The following FAM171A1 variants were observed in gnomAD, a reference collection of about 807,000 sequenced individuals.
FAM171A1 encodes the protein protein FAM171A1.
In FAM171A1, 23 loss-of-function variants were observed where a neutral mutation model predicts 74.9. That is an observed-to-expected ratio of 0.31 (90% CI 0.22 to 0.44). The LOEUF is 0.44. Ranked by LOEUF, FAM171A1 falls within the 20% of genes least tolerant of loss-of-function variation. The probability of loss-of-function intolerance (pLI) is 1.00; values close to 1 mark genes in which losing one functional copy is unlikely to be tolerated. For missense variants in FAM171A1, 1,162 were observed against 1,159.2 expected (o/e 1.00, Z -0.03); for synonymous variants, 527 against 505.7 (o/e 1.04, Z -0.57).
At chr10:15,260,714 CA>C (rs1426440446) in intron 3 of FAM171A1, among the ~76,000 whole-genome samples, 1 of 152,206 alleles carries the variant, frequency 6.6e-6, no homozygotes, top group African/African-American at 2.4e-5. Flanking sequence ...CCAACTAGAT[CA>C]GGGGTCCTCC....
chr10:15,283,432 T>C (rs991650369), intron 2 of FAM171A1, among the ~76,000 whole-genome samples: 3 of 152,194 alleles, frequency 2.0e-5, no homozygotes, highest in Non-Finnish European at 4.4e-5. Flanking sequence ...CAAATCCACT[T>C]TCCATAGATC....
chr10:15,337,897 G>A (rs561467592), intron 1 of FAM171A1, among the ~76,000 whole-genome samples: 2 of 152,290 alleles, frequency 1.3e-5, no homozygotes, highest in South Asian at 4.1e-4. Context: ...GCTGCAGTGA[G>A]CCAAGATCGT....
At chr10:15,285,491 A>C (rs1012586428) in intron 1 of FAM171A1, among the ~76,000 whole-genome samples, 10 of 152,066 alleles carry the variant, frequency 6.6e-5, no homozygotes, top group African/African-American at 2.4e-4. Flanking sequence ...AATTAAGAGG[A>C]CTCTGTGATA....
At chr10:15,324,782 TC>T (rs1446961403) in intron 1 of FAM171A1, among the ~76,000 whole-genome samples, 4 of 151,978 alleles carry the variant, frequency 2.6e-5, no homozygotes, top group Non-Finnish European at 5.9e-5. Flanking sequence ...CCAAACCAAC[TC>T]CACCATCAAT....
At chr10:15,309,068 T>G (rs1835329207) in intron 1 of FAM171A1, among the ~76,000 whole-genome samples, 1 of 152,232 alleles carries the variant, frequency 6.6e-6, no homozygotes, top group Non-Finnish European at 1.5e-5. Context: ...ATTGCAAACC[T>G]GGTCCTACTT....
intron 5 of FAM171A1, among the ~76,000 whole-genome samples, chr10:15,233,483 C>G (rs557381018): frequency 1.3e-5 from 2 of 150,774 alleles, no homozygotes; most frequent in Non-Finnish European, 2.9e-5. Context: ...GTGGAAGCTT[C>G]TAGTGAAGGA....
At chr10:15,292,854 C>A (rs1225751467) in intron 1 of FAM171A1, among the ~76,000 whole-genome samples, 3 of 152,104 alleles carry the variant, frequency 2.0e-5, no homozygotes, top group Non-Finnish European at 4.4e-5. Context: ...AATTATCATG[C>A]CTAACTAAAG....
intron 1 of FAM171A1, among the ~76,000 whole-genome samples, chr10:15,320,698 C>A (rs1299057373): frequency 6.6e-6 from 1 of 152,134 alleles, no homozygotes; most frequent in Non-Finnish European, 1.5e-5. Flanking sequence ...TGGTTTTGAT[C>A]TGCATTTCTC....
intron 1 of FAM171A1, among the ~76,000 whole-genome samples, chr10:15,341,468 C>T (rs1835763529): frequency 6.6e-6 from 1 of 152,196 alleles, no homozygotes; most frequent in Admixed American, 6.5e-5. Context: ...TTCCTCCCCG[C>T]AATTGCTGGC....
chr10:15,236,365 C>T (rs1473466543), intron 5 of FAM171A1, among the ~76,000 whole-genome samples: 4 of 151,692 alleles, frequency 2.6e-5, no homozygotes, highest in East Asian at 3.9e-4. Context: ...CAAACACATA[C>T]GGAGGGTTTT....
intron 1 of FAM171A1, among the ~76,000 whole-genome samples, chr10:15,309,447 A>G (rs1835334031): frequency 6.6e-6 from 1 of 152,246 alleles, no homozygotes; most frequent in African/African-American, 2.4e-5. Flanking sequence ...GTCTCACGCA[A>G]TCCTCCCGCC....
intron 1 of FAM171A1, among the ~76,000 whole-genome samples, chr10:15,291,151 T>C (rs1835097806): frequency 1.3e-5 from 2 of 152,268 alleles, no homozygotes. Flanking sequence ...CGTCCGGCCA[T>C]ACCACTATTT....
At chr10:15,238,569 G>A (rs949298538) in intron 5 of FAM171A1, among the ~76,000 whole-genome samples, 6 of 143,342 alleles carry the variant, frequency 4.2e-5, no homozygotes, top group Non-Finnish European at 7.5e-5. Flanking sequence ...AACAATCTTA[G>A]ATCTGTGTTT....
At chr10:15,259,698 T>C (rs1349415222) in intron 3 of FAM171A1, among the ~76,000 whole-genome samples, 2 of 152,064 alleles carry the variant, frequency 1.3e-5, no homozygotes, top group Non-Finnish European at 2.9e-5. Context: ...AAGGAATTAT[T>C]TTAATTCTAA....
chr10:15,222,011 T>C (rs571904637), intron 5 of FAM171A1, among the ~76,000 whole-genome samples: 15 of 152,244 alleles, frequency 9.9e-5, no homozygotes, highest in Non-Finnish European at 2.1e-4. Flanking sequence ...TGCCTTTTCC[T>C]GGGCTCACCT....
intron 3 of FAM171A1, 137 bp from the exon 4 acceptor site, chr10:15,255,016 C>A (rs747720070): frequency 7.5e-6 from 5 of 671,024 alleles, no homozygotes; most frequent in Non-Finnish European, 1.0e-5. Flanking sequence ...TCCCTTCCCC[C>A]ATTCATGCAG....
At chr10:15,318,870 G>C (rs1157639066) in intron 1 of FAM171A1, among the ~76,000 whole-genome samples, 2 of 152,154 alleles carry the variant, frequency 1.3e-5, no homozygotes, top group Non-Finnish European at 2.9e-5. Context: ...TGCTGTTACT[G>C]GCAAAGGTGT....
chr10:15,225,439 C>A (rs1411502564), intron 5 of FAM171A1, among the ~76,000 whole-genome samples: 5 of 152,192 alleles, frequency 3.3e-5, no homozygotes. Context: ...ATTCAACAAT[C>A]ATGCTGTTAC....
intron 5 of FAM171A1, among the ~76,000 whole-genome samples, chr10:15,246,806 G>A (rs1379914727): frequency 6.6e-6 from 1 of 152,190 alleles, no homozygotes; most frequent in East Asian, 1.9e-4. Context: ...ATAGGTGTGA[G>A]CCACCGTGCC....
Sources: allele counts gnomAD v4.1 joint callset (sites outside exome capture counted in the v4.1 genomes callset), GRCh38; gene constraint gnomAD v4.1.1; transcripts MANE v1.5; gene names NCBI Gene and HGNC (gene_info 2026-07-23, HGNC 2026-07-21).